PSD3: variants seen among roughly 807,000 people sequenced by gnomAD.
PSD3 encodes the protein pleckstrin and Sec7 domain containing 3, also known as PH and SEC7 domain-containing protein 3.
PSD3 carries 49 observed loss-of-function variants against 105.5 expected under a neutral mutation model. The observed-to-expected ratio is 0.46, with a 90% CI of 0.37 to 0.59. PSD3 has a LOEUF of 0.59. PSD3 is among the 20% of genes least tolerant of loss of function. PSD3 has a pLI of 0.00. For synonymous variants in PSD3, 557 were observed against 457.8 expected (o/e 1.22, Z -2.77); for missense variants, 1,561 against 1,263.8 (o/e 1.24, Z -3.57).
intron 9 of PSD3, among the ~76,000 whole-genome samples, chr8:18,745,468 C>A (rs1262750961): frequency 1.3e-5 from 2 of 152,190 alleles, no homozygotes; most frequent in Non-Finnish European, 2.9e-5. Context: ...AGGAGCTCCT[C>A]CAGGTTGGCT....
intron 15 of PSD3, among the ~76,000 whole-genome samples, chr8:18,548,078 G>T (rs1354151458): frequency 2.0e-5 from 3 of 152,072 alleles, no homozygotes; most frequent in African/African-American, 7.2e-5. Context: ...TTCTGCATAA[G>T]AAAGTCTGCT....
intron 15 of PSD3, among the ~76,000 whole-genome samples, chr8:18,547,260 C>A (rs1239313666): frequency 1.3e-5 from 2 of 152,184 alleles, no homozygotes; most frequent in Non-Finnish European, 1.5e-5. Flanking sequence ...TGGTAGCTTA[C>A]ATAAAGAGGG....
intron 4 of PSD3, among the ~76,000 whole-genome samples, chr8:18,859,228 T>C (rs567770609): frequency 6.6e-6 from 1 of 150,924 alleles, no homozygotes; most frequent in East Asian, 1.9e-4. Context: ...GAAATCCTTT[T>C]TTTTTTTTTT....
At chr8:18,768,695 C>G (rs1807238481) in intron 8 of PSD3, among the ~76,000 whole-genome samples, 1 of 152,164 alleles carries the variant, frequency 6.6e-6, no homozygotes, top group Non-Finnish European at 1.5e-5. Flanking sequence ...TAGGAGTCAT[C>G]ACTTCCCACC....
At chr8:18,765,574 T>C in intron 8 of PSD3, 36 bp from the exon 9 acceptor site, 1 of 1,447,550 alleles carries the variant, frequency 6.9e-7, no homozygotes, top group Non-Finnish European at 9.7e-7. Flanking sequence ...ACTATGACAT[T>C]CATGGAATTA....
intron 9 of PSD3, among the ~76,000 whole-genome samples, chr8:18,748,862 C>T (rs1364146889): frequency 6.6e-6 from 1 of 152,106 alleles, no homozygotes; most frequent in Non-Finnish European, 1.5e-5. Flanking sequence ...CAGAGGTAAG[C>T]CCTGTGGGGC....
chr8:18,843,618 G>C (rs1814833997), intron 4 of PSD3, among the ~76,000 whole-genome samples: 3 of 152,256 alleles, frequency 2.0e-5, no homozygotes, highest in Middle Eastern at 3.4e-3. Context: ...CCTGACCCAA[G>C]GGCATCAAAA....
chr8:18,614,774 G>A (rs1020950391), intron 11 of PSD3, among the ~76,000 whole-genome samples: 2 of 151,452 alleles, frequency 1.3e-5, no homozygotes, highest in African/African-American at 4.9e-5. Flanking sequence ...GACTACAGGT[G>A]TGCACCATCA....
At chr8:18,790,929 A>C (rs1286829162) in intron 8 of PSD3, among the ~76,000 whole-genome samples, 2 of 152,198 alleles carry the variant, frequency 1.3e-5, no homozygotes, top group South Asian at 4.1e-4. Flanking sequence ...CCTACACACC[A>C]AAAGTCAAGC....
intron 1 of PSD3, among the ~76,000 whole-genome samples, chr8:18,961,661 A>G (rs1823934717): frequency 6.6e-6 from 1 of 152,218 alleles, no homozygotes; most frequent in Non-Finnish European, 1.5e-5. Flanking sequence ...ACTGCACTCC[A>G]GCCTGGGTGA....
intron 2 of PSD3, among the ~76,000 whole-genome samples, chr8:18,902,642 C>A (rs1444541771): frequency 6.6e-6 from 1 of 152,182 alleles, no homozygotes; most frequent in Non-Finnish European, 1.5e-5. Context: ...CTCTTCCAAA[C>A]TTACTAGACT....
At chr8:18,988,467 G>A (rs1009232600) in intron 1 of PSD3, among the ~76,000 whole-genome samples, 5 of 152,160 alleles carry the variant, frequency 3.3e-5, no homozygotes, top group Non-Finnish European at 5.9e-5. Context: ...ATAAATCAGG[G>A]AAGGCGGCAT....
At chr8:18,705,768 G>T (rs1801860228) in intron 9 of PSD3, among the ~76,000 whole-genome samples, 1 of 152,080 alleles carries the variant, frequency 6.6e-6, no homozygotes, top group African/African-American at 2.4e-5. Context: ...CTTTGGGGAG[G>T]AGTTGAGTAT....
At chr8:18,879,596 TTTTTC>T (rs1391801361) in intron 2 of PSD3, among the ~76,000 whole-genome samples, 1 of 152,074 alleles carries the variant, frequency 6.6e-6, no homozygotes, top group East Asian at 1.9e-4. Flanking sequence ...CATTGCTTTT[TTTTTC>T]TTTTCTGAGA....
intron 1 of PSD3, among the ~76,000 whole-genome samples, chr8:19,029,170 A>G (rs890153070): frequency 6.6e-6 from 1 of 152,210 alleles, no homozygotes; most frequent in African/African-American, 2.4e-5. Flanking sequence ...ATAAATTGAG[A>G]ATCAATATAT....
chr8:18,890,299 A>C (rs933988303), intron 2 of PSD3, among the ~76,000 whole-genome samples: 10 of 152,334 alleles, frequency 6.6e-5, no homozygotes, highest in Admixed American at 6.5e-4. Flanking sequence ...TCTTGAAAAA[A>C]AAATTCAATG....
At chr8:19,004,732 T>C (rs1262754889) in intron 1 of PSD3, among the ~76,000 whole-genome samples, 3 of 152,022 alleles carry the variant, frequency 2.0e-5, no homozygotes, top group African/African-American at 7.2e-5. Flanking sequence ...ACAATTCCCA[T>C]GTGTCGTGTG....
intron 1 of PSD3, among the ~76,000 whole-genome samples, chr8:18,977,361 C>A (rs1208605964): frequency 6.6e-6 from 1 of 151,902 alleles, no homozygotes; most frequent in Non-Finnish European, 1.5e-5. Context: ...GCCTCAGTAT[C>A]CTCATCTGTA....
intron 12 of PSD3, among the ~76,000 whole-genome samples, chr8:18,595,984 G>C (rs780171851): frequency 6.6e-6 from 1 of 151,934 alleles, no homozygotes; most frequent in Non-Finnish European, 1.5e-5. Context: ...AACATTCTCT[G>C]GGATAGATAA....
Sources: gnomAD v4.1 joint callset for allele counts (sites outside exome capture counted in the v4.1 genomes callset) on GRCh38, gnomAD v4.1.1 for gene constraint, MANE v1.5 for transcripts, NCBI Gene and HGNC (gene_info 2026-07-23, HGNC 2026-07-21) for gene names.